The following SNX29 variants were observed in gnomAD, a reference collection of about 807,000 sequenced individuals.
The protein encoded by SNX29 is sorting nexin 29, also known as sorting nexin-29.
SNX29 carries 78 observed loss-of-function variants against 102.1 expected under a neutral mutation model. The observed-to-expected ratio is 0.76, with a 90% CI of 0.64 to 0.92. SNX29 has a LOEUF of 0.92. Among genes scored for constraint, SNX29 ranks in the 40% least tolerant of loss-of-function variants. The pLI is 0.00. For synonymous variants in SNX29, 580 were observed against 414.5 expected, an observed-to-expected ratio of 1.40 and a Z score of -4.85; for missense variants, 1,280 against 1,061.7, an observed-to-expected ratio of 1.21 and a Z score of -2.86.
At chr16:12,559,678 G>A (rs1457459466) in intron 20 of SNX29, among the ~76,000 whole-genome samples, 1 of 151,890 alleles carries the variant, frequency 6.6e-6, no homozygotes, top group Non-Finnish European at 1.5e-5. Flanking sequence ...ATGGGCCTGG[G>A]GCAGTAACTT....
At chr16:12,072,063 T>C (rs4289012) in intron 10 of SNX29, among the ~76,000 whole-genome samples, 106 of 152,348 alleles carry the variant, frequency 7.0e-4, no homozygotes, top group African/African-American at 2.4e-3. Flanking sequence ...TAATGAGATT[T>C]TGGGCTGAGA....
intron 20 of SNX29, among the ~76,000 whole-genome samples, chr16:12,535,173 C>A (rs971952237): frequency 6.6e-6 from 1 of 152,208 alleles, no homozygotes; most frequent in Non-Finnish European, 1.5e-5. Flanking sequence ...GAGTCTCACT[C>A]TGTCACCAAG....
At chr16:12,548,685 A>C (rs1272866000) in intron 20 of SNX29, among the ~76,000 whole-genome samples, 1 of 152,224 alleles carries the variant, frequency 6.6e-6, no homozygotes, top group Non-Finnish European at 1.5e-5. Context: ...TTTAAAGCCC[A>C]GAGCACTGCA....
intron 16 of SNX29, among the ~76,000 whole-genome samples, chr16:12,388,859 A>G (rs1474452309): frequency 1.3e-5 from 2 of 152,106 alleles, no homozygotes; most frequent in Non-Finnish European, 2.9e-5. Flanking sequence ...GGGATATTCT[A>G]TTTGCAAGAG....
chr16:12,553,173 T>A (rs1039807983), intron 20 of SNX29, among the ~76,000 whole-genome samples: 2 of 152,342 alleles, frequency 1.3e-5, no homozygotes, highest in Admixed American at 1.3e-4. Flanking sequence ...TTTTTGGATC[T>A]TTAAGTCAGT....
intron 18 of SNX29, among the ~76,000 whole-genome samples, chr16:12,460,175 T>C (rs1387666375): frequency 6.6e-6 from 1 of 152,192 alleles, no homozygotes; most frequent in Non-Finnish European, 1.5e-5. Context: ...AAGAGCTGTT[T>C]TGCCGAATGA....
At chr16:12,051,794 T>G in intron 7 of SNX29, 53 bp from the exon 8 acceptor site, 1 of 1,583,420 alleles carries the variant, frequency 6.3e-7, no homozygotes, top group Non-Finnish European at 8.5e-7. Context: ...TCCATCATCC[T>G]TTTGTCTTGC....
chr16:11,984,320 A>C (rs386430), intron 1 of SNX29, among the ~76,000 whole-genome samples: 1 of 150,698 alleles, frequency 6.6e-6, no homozygotes, highest in African/African-American at 2.4e-5. Context: ...GAGCCATGAA[A>C]GTACCATTGC....
chr16:12,083,272 C>T (rs1435808700), intron 11 of SNX29, among the ~76,000 whole-genome samples: 2 of 151,214 alleles, frequency 1.3e-5, no homozygotes, highest in Non-Finnish European at 2.9e-5. Context: ...CACCACTGCA[C>T]TCCAGCCTGG....
Position 12,162,635 on chromosome 16 carries a change from C to G in SNX29, c.1595+32877C>G, listed in dbSNP as rs560171624. The stretch of plus-strand genomic sequence containing the variant: ...TTAAGAAGCCACAAAAAATACACAA[C>G]AGGCTGGATTTGTCCTGTGGGCCAT... On this transcript the variant is annotated intron_variant, in intron 13 of 20. Transcript: ENST00000566228. Among the ~76,000 whole-genome samples the G allele has an allele frequency of 2.6e-5, 4 of 152,340 alleles. No homozygotes were observed. In the South Asian group the frequency reaches 8.3e-4, roughly 32 times the overall value.
intron 13 of SNX29, among the ~76,000 whole-genome samples, chr16:12,136,290 C>G (rs1405917247): frequency 2.6e-5 from 4 of 152,206 alleles, no homozygotes; most frequent in Non-Finnish European, 4.4e-5. Flanking sequence ...ATAAAGCACC[C>G]TGTTGATGCG....
chr16:12,517,307 G>C (rs1427567230), intron 19 of SNX29, among the ~76,000 whole-genome samples: 1 of 152,158 alleles, frequency 6.6e-6, no homozygotes, highest in Non-Finnish European at 1.5e-5. Context: ...TTTAAGAGCT[G>C]GACATTCCTC....
chr16:12,537,047 C>T (rs756335219), intron 20 of SNX29, among the ~76,000 whole-genome samples: 1 of 152,208 alleles, frequency 6.6e-6, no homozygotes, highest in Non-Finnish European at 1.5e-5. Context: ...AGCACATTCA[C>T]TGAGCATATT....
intron 14 of SNX29, among the ~76,000 whole-genome samples, chr16:12,266,401 C>T (rs12445263): frequency 0.59 from 89,279 of 151,836 alleles, 26,681 homozygotes; most frequent in Middle Eastern, 0.64. Flanking sequence ...GCCCCTATTG[C>T]GGATTTCAGT....
At chr16:12,093,989 A>G (rs1445341447) in intron 11 of SNX29, 1 of 152,132 alleles carries the variant, frequency 6.6e-6, no homozygotes, top group East Asian at 1.9e-4. Flanking sequence ...TGGTATCATT[A>G]TTTTTGTTTT....
chr16:12,045,195 T>C (rs2050037636), intron 5 of SNX29, among the ~76,000 whole-genome samples: 1 of 152,246 alleles, frequency 6.6e-6, no homozygotes, highest in East Asian at 1.9e-4. Context: ...TGGGGAAGTA[T>C]ATTGGAAATG....
intron 17 of SNX29, among the ~76,000 whole-genome samples, chr16:12,401,052 C>CG (rs1859939326): frequency 6.6e-6 from 1 of 152,104 alleles, no homozygotes; most frequent in Non-Finnish European, 1.5e-5. Flanking sequence ...AGGATGGTCT[C>CG]GATCTCCTGA....
In SNX29 at chr16:12,048,438, C is replaced by T. The variant is rs1179244049; in HGVS notation, c.566C>T (p.Ala189Val). ...GATTTGAACGGGCAGAGTAAGTTTG[C>T]TCCCACCGTTTCAGACCTCTTAAAG... ...NKDLNGQSKF[A>V]PTVSDLLKES... The change falls in exon 7 of 21, where the codon GCT becomes GTT. Residue 189 changes from alanine (A) to valine (V), a missense_variant. Coordinates refer to ENST00000566228, the MANE Select transcript of SNX29 (RefSeq NM_032167.5). 1 of 1,613,896 alleles carries T rather than the reference C, an allele frequency of 6.2e-7. No homozygotes were observed. Among genetic ancestry groups the T allele is most frequent in the African/African-American group, 1.3e-5 (1 of 75,030 alleles).
At position 12,127,587 on chromosome 16, in the gene SNX29, A is replaced by G. The variant is rs536563234; in HGVS notation, c.1466+891A>G. Among the ~76,000 whole-genome samples the G allele has an allele frequency of 1.4e-4, 21 of 151,980 alleles. No homozygotes were observed. The East Asian group carries it at 3.9e-3, about 28-fold the overall frequency. On this transcript the variant is annotated intron_variant, in intron 12 of 20. Transcript: ENST00000566228. ...CAGGCGCATGCCACCATGCCCGGCTAATTTTGGTATTTTTAGTAGAGTTGG... is the reference window on the plus strand; with the variant it reads ...CAGGCGCATGCCACCATGCCCGGCTGATTTTGGTATTTTTAGTAGAGTTGG...
Sources: allele counts gnomAD v4.1 joint callset (sites outside exome capture counted in the v4.1 genomes callset), GRCh38; gene constraint gnomAD v4.1.1; transcripts MANE v1.5; gene names NCBI Gene and HGNC (gene_info 2026-07-23, HGNC 2026-07-21).